Variants in IL1RN observed in about 807,000 individuals in gnomAD.
The protein encoded by IL1RN is interleukin-1 receptor antagonist protein.
In IL1RN, 10 loss-of-function variants were observed where a neutral mutation model predicts 13.7. That is an observed-to-expected ratio of 0.73 (90% CI 0.45 to 1.24). IL1RN has a LOEUF of 1.24. Ranked by LOEUF, IL1RN falls within the 50% of genes most tolerant of loss-of-function variation. IL1RN has a pLI of 0.00. For synonymous variants in IL1RN, 102 were observed against 82.7 expected, an observed-to-expected ratio of 1.23 and a Z score of -1.27; for missense variants, 213 against 222.1, an observed-to-expected ratio of 0.96 and a Z score of 0.26.
At chr2:113,117,945 T>C in exon 1 of IL1RN, 1 of 935,436 alleles carries the variant, frequency 1.1e-6, no homozygotes, top group Non-Finnish European at 1.8e-6. Flanking sequence ...CGGGTGCTAC[T>C]TTATGGGCAG....
At chr2:113,101,378 C>T in the IL1RN span, among the ~76,000 whole-genome samples, 2 of 152,090 alleles carry the variant, frequency 1.3e-5, no homozygotes. Flanking sequence ...AACCGACATT[C>T]AATGATATTT....
At chr2:113,121,362 C>T (rs993920147) in intron 2 of IL1RN, 9 of 697,694 alleles carry the variant, frequency 1.3e-5, no homozygotes, top group Non-Finnish European at 1.1e-5. Context: ...GAAAGTGTAA[C>T]ACAGAGCCTA....
intron 2 of IL1RN, among the ~76,000 whole-genome samples, chr2:113,121,152 C>T (rs1248399728): frequency 3.3e-5 from 5 of 151,626 alleles, no homozygotes; most frequent in South Asian, 2.1e-4. Flanking sequence ...TCTTCGTCTT[C>T]GTCTTCTTTT....
upstream of IL1RN, among the ~76,000 whole-genome samples, chr2:113,124,664 AT>A (rs1686894702): frequency 6.6e-6 from 1 of 152,172 alleles, no homozygotes; most frequent in African/African-American, 2.4e-5. Context: ...CACGTGCAGC[AT>A]TTCATTCAAT....
chr2:113,129,331 G>A (rs893072905), intron 1 of IL1RN, among the ~76,000 whole-genome samples: 6 of 152,160 alleles, frequency 3.9e-5, no homozygotes, highest in African/African-American at 1.4e-4. Context: ...TCTCAGATGG[G>A]AAGCAAGTAA....
chr2:113,131,218 T>C, intron 3 of IL1RN, 61 bp downstream of exon 3: 1 of 998,420 alleles, frequency 1.0e-6, no homozygotes, highest in Non-Finnish European at 1.6e-6. Flanking sequence ...ACAACCAAAA[T>C]TTTTTCTTAT....
intron 1 of IL1RN, among the ~76,000 whole-genome samples, chr2:113,111,679 T>C (rs1686498507): frequency 6.6e-6 from 1 of 152,266 alleles, no homozygotes; most frequent in African/African-American, 2.4e-5. Flanking sequence ...GCTTGCATTA[T>C]GACTGCATTG....
At chr2:113,103,001 C>T (rs1441314564), upstream of IL1RN, among the ~76,000 whole-genome samples, 2 of 152,254 alleles carry the variant, frequency 1.3e-5, no homozygotes, top group Non-Finnish European at 2.9e-5. Flanking sequence ...AGTACTCATG[C>T]TGACCTGACA....
At chr2:113,132,556 T>G (rs1323571634) in intron 3 of IL1RN, 100 bp from the exon 4 acceptor site, 2 of 1,086,896 alleles carry the variant, frequency 1.8e-6, no homozygotes, top group Non-Finnish European at 2.8e-6. Flanking sequence ...GTACTAACTC[T>G]GGGCTGTCCA....
chr2:113,129,127 G>A (rs1358692734), intron 1 of IL1RN, among the ~76,000 whole-genome samples: 1 of 152,210 alleles, frequency 6.6e-6, no homozygotes, highest in African/African-American at 2.4e-5. Flanking sequence ...TTAAATGAAT[G>A]AAAATAGAAG....
rs1171229174 is a variant in IL1RN, at chr2:113,132,749, T to C, written c.412T>C (p.Ser138Pro). 6.2e-7 allele frequency: 1 copy of C among 1,614,228 alleles called. No homozygotes were observed. The highest frequency in any genetic ancestry group is 8.5e-7 in the Non-Finnish European group (1 of 1,180,038). Reference sequence around the variant, plus strand: ...CAGTGGCCCCACCACCAGTTTTGAGTCTGCCGCCTGCCCCGGTTGGTTCCT... The same window carrying C: ...CAGTGGCCCCACCACCAGTTTTGAGCCTGCCGCCTGCCCCGGTTGGTTCCT... ...SDSGPTTSFE[S>P]AACPGWFLCT... The change falls in exon 4 of 4, where the codon TCT becomes CCT. Residue 138 changes from serine (S) to proline (P), a missense_variant. Ser to Pro is a moderately conservative substitution (Grantham distance 74). Coordinates refer to ENST00000409930, the MANE Select transcript of IL1RN (RefSeq NM_173842.3).
the IL1RN span, among the ~76,000 whole-genome samples, chr2:113,102,211 C>T: frequency 6.6e-6 from 1 of 152,216 alleles, no homozygotes; most frequent in African/African-American, 2.4e-5. Context: ...CATCCACTTG[C>T]TGGCTGGCAG....
At chr2:113,108,548 AT>A (rs1686422562), upstream of IL1RN, among the ~76,000 whole-genome samples, 1 of 152,142 alleles carries the variant, frequency 6.6e-6, no homozygotes, top group Admixed American at 6.5e-5. Flanking sequence ...ATAATCCAGG[AT>A]AATCTCTTTA....
chr2:113,115,334 G>C (rs994343025), upstream of IL1RN, among the ~76,000 whole-genome samples: 4 of 151,982 alleles, frequency 2.6e-5, no homozygotes, highest in African/African-American at 9.7e-5. Flanking sequence ...TCCCATAGTA[G>C]GAATTCCTTT....
chr2:113,121,090 T>C (rs1665192), intron 2 of IL1RN, among the ~76,000 whole-genome samples: 49,975 of 114,956 alleles, frequency 0.43, 8,835 homozygotes, highest in South Asian at 0.56. Context: ...CTTCTTCTTC[T>C]TCTTCCTCTT....
At chr2:113,115,205 T>TA (rs1686569561), upstream of IL1RN, among the ~76,000 whole-genome samples, 2 of 152,194 alleles carry the variant, frequency 1.3e-5, no homozygotes, top group South Asian at 4.1e-4. Context: ...CTTGTGTGTC[T>TA]AAGCTAGAAG....
At chr2:113,118,680 G>T (rs561944177) in intron 1 of IL1RN, among the ~76,000 whole-genome samples, 71 of 152,304 alleles carry the variant, frequency 4.7e-4, no homozygotes, top group Admixed American at 2.5e-3. Flanking sequence ...TTTGTGTGGG[G>T]CAAAGAAAAA....
chr2:113,105,325 A>G (rs774648877), upstream of IL1RN, among the ~76,000 whole-genome samples: 42 of 152,202 alleles, frequency 2.8e-4, no homozygotes, highest in Admixed American at 2.0e-4. Flanking sequence ...GCTGAGTACT[A>G]GGGCCATGGT....
At chr2:113,120,080 G>A in exon 2 of IL1RN, 1 of 1,613,432 alleles carries the variant, frequency 6.2e-7, no homozygotes, top group Non-Finnish European at 8.5e-7. Flanking sequence ...CTTGTATGAA[G>A]AAGGAGGTGG....
Sources: gnomAD v4.1 joint callset for allele counts (sites outside exome capture counted in the v4.1 genomes callset) on GRCh38, gnomAD v4.1.1 for gene constraint, MANE v1.5 for transcripts, NCBI Gene and HGNC (gene_info 2026-07-23, HGNC 2026-07-21) for gene names.